COL14A1: variants seen among roughly 807,000 people sequenced by gnomAD.
COL14A1 encodes the protein collagen type XIV alpha 1 chain.
A neutral mutation model predicts 230.3 loss-of-function variants in COL14A1; 136 were observed. The observed-to-expected ratio is 0.59, with a 90% CI of 0.51 to 0.68. COL14A1 has a LOEUF of 0.68. Among genes scored for constraint, COL14A1 ranks in the 30% least tolerant of loss-of-function variants. The pLI, the probability that COL14A1 is intolerant of heterozygous loss-of-function variation, is 0.00. For synonymous variants in COL14A1, 792 were observed against 784.1 expected (o/e 1.01, Z -0.17); for missense variants, 1,976 against 2,215.8 (o/e 0.89, Z 2.17).
At chr8:120,178,657 C>T (rs567274386) in intron 5 of COL14A1, among the ~76,000 whole-genome samples, 1 of 152,316 alleles carries the variant, frequency 6.6e-6, no homozygotes, top group Admixed American at 6.5e-5. Context: ...GCCACACTGT[C>T]TTCCACAATG....
intron 20 of COL14A1, among the ~76,000 whole-genome samples, chr8:120,244,880 G>A (rs1483625029): frequency 6.6e-6 from 1 of 152,010 alleles, no homozygotes; most frequent in Non-Finnish European, 1.5e-5. Context: ...CCTCCCAATG[G>A]CTTCTCACTG....
intron 26 of COL14A1, chr8:120,277,569 A>G (rs1586825392): frequency 2.0e-5 from 3 of 152,164 alleles, no homozygotes; most frequent in Admixed American, 6.6e-5. Flanking sequence ...AAGAAATACT[A>G]CGCAGCCATA....
chr8:120,193,578 G>T (rs2130695757), intron 5 of COL14A1, among the ~76,000 whole-genome samples: 1 of 152,318 alleles, frequency 6.6e-6, no homozygotes, highest in East Asian at 1.9e-4. Flanking sequence ...TCTCTTCAAA[G>T]CTGTCAGACA....
At chr8:120,294,023 C>G (rs763222380) in intron 34 of COL14A1, among the ~76,000 whole-genome samples, 23 of 151,782 alleles carry the variant, frequency 1.5e-4, no homozygotes, top group Non-Finnish European at 2.8e-4. Context: ...GGTTAGACAT[C>G]AAATTACAAA....
At chr8:120,175,647 T>TA (rs1231319294) in intron 5 of COL14A1, among the ~76,000 whole-genome samples, 1 of 152,218 alleles carries the variant, frequency 6.6e-6, no homozygotes, top group Non-Finnish European at 1.5e-5. Context: ...TTCCTTTACA[T>TA]ATTGTCTATG....
intron 22 of COL14A1, 90 bp downstream of exon 22, chr8:120,250,856 G>C: frequency 6.9e-7 from 1 of 1,448,124 alleles, no homozygotes; most frequent in African/African-American, 1.4e-5. Context: ...CGCTCAGGCT[G>C]GAGTGCGCTG....
chr8:120,173,673 T>C (rs1816174370), intron 5 of COL14A1, among the ~76,000 whole-genome samples: 1 of 151,906 alleles, frequency 6.6e-6, no homozygotes, highest in Admixed American at 6.6e-5. Flanking sequence ...TATCTATCTA[T>C]CTATCTATCT....
chr8:120,295,036 A>C (rs1023131687), intron 34 of COL14A1, among the ~76,000 whole-genome samples: 1 of 151,850 alleles, frequency 6.6e-6, no homozygotes, highest in Admixed American at 6.6e-5. Flanking sequence ...AAAAACTTCA[A>C]GAAATCCTGA....
chr8:120,260,399 C>T (rs1262922396), intron 23 of COL14A1, among the ~76,000 whole-genome samples: 1 of 151,972 alleles, frequency 6.6e-6, no homozygotes, highest in Non-Finnish European at 1.5e-5. Flanking sequence ...TTGCATTTTA[C>T]AGTTGAAAAA....
intron 8 of COL14A1, 48 bp from the exon 9 acceptor site, chr8:120,203,661 C>G (rs1013835403): frequency 1.3e-6 from 2 of 1,598,568 alleles, no homozygotes; most frequent in Non-Finnish European, 1.7e-6. Flanking sequence ...GTCACTCTTT[C>G]CAAGGGGGCA....
In COL14A1 at chr8:120,160,602, G is replaced by A. The variant is rs188588069; in HGVS notation, c.206-1824G>A. 5.9e-5 allele frequency among the ~76,000 whole-genome samples: 9 copies of A among 152,258 alleles called. No individual in the cohort carries two copies. In the East Asian group the frequency reaches 1.7e-3, roughly 29 times the overall value. On this transcript the variant is annotated intron_variant, in intron 3 of 47. Transcript: ENST00000297848. Reference sequence around the variant, plus strand: ...CAAATTATTTCTTCATAAATGCTAGGTTTATTTTCCACAGTGTTCTTACCG... The same window carrying A: ...CAAATTATTTCTTCATAAATGCTAGATTTATTTTCCACAGTGTTCTTACCG...
rs373007439 is a variant in COL14A1, at chr8:120,206,914, G to C, written c.1040-29G>C. The C allele has an allele frequency of 2.3e-5, 36 of 1,576,866 alleles. No individual in the cohort carries two copies. In the African/African-American group the frequency reaches 4.7e-4, roughly 20 times the overall value. ...TCATAAGAAATAACTTTGGGTAAGA[G>C]GTTTATTTGATATGTTTTTTTAATT... On this transcript the variant is annotated intron_variant, in intron 9 of 47. Transcript: ENST00000297848.
At chr8:120,170,157 T>G (rs1160591608) in intron 5 of COL14A1, among the ~76,000 whole-genome samples, 4 of 152,052 alleles carry the variant, frequency 2.6e-5, no homozygotes, top group Admixed American at 2.6e-4. Flanking sequence ...TGTGTATATT[T>G]TTATAGCTCC....
chr8:120,270,901 A>G (rs556906683), intron 26 of COL14A1, among the ~76,000 whole-genome samples: 1 of 151,890 alleles, frequency 6.6e-6, no homozygotes, highest in Admixed American at 6.6e-5. Flanking sequence ...AAATCATTCT[A>G]CTGTAAAGAC....
chr8:120,315,991 C>T lies in COL14A1; in HGVS notation c.4653C>T (p.Gly1551=). 1.2e-6 allele frequency: 2 copies of T among 1,614,008 alleles called. No individual in the cohort carries two copies. The highest frequency in any genetic ancestry group is 1.7e-6 in the Non-Finnish European group (2 of 1,179,964). The change falls in exon 40 of 48, where the codon GGC becomes GGT. Residue 1551 remains glycine, a synonymous_variant. Coordinates refer to ENST00000297848, the MANE Select transcript of COL14A1 (RefSeq NM_021110.4). ...VGSPGRDGSP[G]QRGLPGKDGS... is the part of the protein sequence containing the mutation. ...CACCAGGACGTGATGGCTCACCAGG[C>T]CAGAGGGTAAGGTCTTGCCCAAGGT...
chr8:120,212,345 C>T (rs972816108), intron 12 of COL14A1, 103 bp from the exon 13 acceptor site: 29 of 1,159,546 alleles, frequency 2.5e-5, no homozygotes, highest in African/African-American at 7.7e-5. Context: ...TGTAACAGGA[C>T]GTAAAGTCTT....
intron 19 of COL14A1, among the ~76,000 whole-genome samples, chr8:120,237,197 AGT>A (rs1404389263): frequency 6.6e-6 from 1 of 152,174 alleles, no homozygotes; most frequent in African/African-American, 2.4e-5. Context: ...AATATCCTGA[AGT>A]GTGTTTTCCA....
At chr8:120,225,013 G>C in intron 14 of COL14A1, 75 bp from the exon 15 acceptor site, 1 of 1,408,160 alleles carries the variant, frequency 7.1e-7, no homozygotes, top group Non-Finnish European at 9.7e-7. Flanking sequence ...AGCTAAGCGA[G>C]CTACAGACAA....
rs1563724767 is a variant in COL14A1 at position 120,298,600 on chromosome 8, TATA to T, written c.4314+1013_4314+1015del. Among the ~76,000 whole-genome samples, 47 of 38,934 alleles carry T rather than the reference TATA, an allele frequency of 1.2e-3. 1 individual carries two copies. In the East Asian group the frequency reaches 0.016, roughly 13 times the overall value. 25.5% of individuals were successfully genotyped at this position (38,934 alleles called of 152,430 possible). ...GATGTGTGTATACCCATATATTTTA[TATA>T]TATATATATATATATATATATATAT... On this transcript the variant is annotated intron_variant, in intron 35 of 47. Transcript: ENST00000297848.
Sources: allele counts gnomAD v4.1 joint callset (sites outside exome capture counted in the v4.1 genomes callset), GRCh38; gene constraint gnomAD v4.1.1; transcripts MANE v1.5; gene names NCBI Gene and HGNC (gene_info 2026-07-23, HGNC 2026-07-21).